The following SULT1A1 variants were observed in gnomAD, a reference collection of about 807,000 sequenced individuals.
SULT1A1 encodes the protein sulfotransferase 1A1.
A neutral mutation model predicts 36.8 loss-of-function variants in SULT1A1; 35 were observed. The ratio of observed to expected loss-of-function variants is 0.95; its 90% CI spans 0.73 to 1.26. The LOEUF is 1.26. Among genes scored for constraint, SULT1A1 ranks in the 50% most tolerant of loss-of-function variants. The pLI is 0.00. For synonymous variants in SULT1A1, 119 were observed against 146.0 expected (o/e 0.82, Z 1.33); for missense variants, 309 against 383.0 (o/e 0.81, Z 1.61).
At chr16:28,620,650 G>A (rs995007700) in intron 1 of SULT1A1, among the ~76,000 whole-genome samples, 29 of 150,652 alleles carry the variant, frequency 1.9e-4, no homozygotes, top group Non-Finnish European at 3.4e-4. Flanking sequence ...GAGAATAGCA[G>A]AATATAAAAG....
intron 1 of SULT1A1, among the ~76,000 whole-genome samples, chr16:28,621,668 G>A (rs1244132849): frequency 6.6e-6 from 1 of 151,886 alleles, no homozygotes; most frequent in Non-Finnish European, 1.5e-5. Flanking sequence ...CACACGCCGG[G>A]ACCAGGCACA....
upstream of SULT1A1, chr16:28,611,110 C>T (rs1197847394): frequency 6.6e-6 from 1 of 152,362 alleles, no homozygotes; most frequent in East Asian, 1.9e-4. Context: ...CACCCCTGCC[C>T]TCAGCAACCC....
At chr16:28,616,210 A>T (rs558720256) in intron 2 of SULT1A1, among the ~76,000 whole-genome samples, 5 of 152,342 alleles carry the variant, frequency 3.3e-5, no homozygotes, top group Non-Finnish European at 7.3e-5. Context: ...TTATTGAGCG[A>T]GGGTTATTAT....
At chr16:28,610,260 T>TTA, upstream of SULT1A1, 13 of 1,107,918 alleles carry the variant, frequency 1.2e-5, no homozygotes, top group African/African-American at 1.7e-5. Flanking sequence ...GGTTTTTTTT[T>TTA]TCTGTTTTTT....
chr16:28,619,193 A>C (rs2047603280), intron 2 of SULT1A1, among the ~76,000 whole-genome samples: 1 of 152,006 alleles, frequency 6.6e-6, no homozygotes. Context: ...TTGTATTTTT[A>C]GTAGAGACAG....
chr16:28,609,306 C>A (rs2047356858), intron 1 of SULT1A1: 2 of 1,277,210 alleles, frequency 1.6e-6, no homozygotes, highest in Non-Finnish European at 1.0e-6. Context: ...TCCTTGAGCC[C>A]CTCAGCCCCT....
In SULT1A1 at chr16:28,606,986, C is replaced by T; in HGVS notation, c.464G>A (p.Trp155Ter). 12 of 1,612,536 alleles carry T rather than the reference C, an allele frequency of 7.4e-6. 1 individual carries two copies. Among genetic ancestry groups the T allele is most frequent in the Non-Finnish European group, 9.3e-6 (11 of 1,178,732 alleles). The change falls in exon 5 of 8, where the codon TGG (tryptophan) becomes TAG (stop). Residue 155 changes from tryptophan (W) to a stop codon, truncating the protein, a stop_gained. Coordinates refer to ENST00000314752, the MANE Select transcript of SULT1A1 (RefSeq NM_001055.4). LOFTEE classifies it high-confidence loss of function. Reference protein sequence around the residue: ...MAKVHPEPGTWDSFLEKFMVG... With the variant: ...MAKVHPEPGT ...CATGAACTTCTCCAGGAAGCTGTCCCAGGTCCCAGGCTCAGGGTGCACCTT... is the reference window on the plus strand; with the variant it reads ...CATGAACTTCTCCAGGAAGCTGTCCTAGGTCCCAGGCTCAGGGTGCACCTT...
intron 2 of SULT1A1, among the ~76,000 whole-genome samples, chr16:28,616,025 C>T (rs1427788753): frequency 4.6e-5 from 7 of 151,978 alleles, no homozygotes; most frequent in Admixed American, 2.0e-4. Context: ...CGCTGGACCA[C>T]GATCCGCCTG....
chr16:28,620,675 T>G (rs1485283975), intron 1 of SULT1A1, among the ~76,000 whole-genome samples: 1 of 151,872 alleles, frequency 6.6e-6, no homozygotes, highest in Non-Finnish European at 1.5e-5. Context: ...AGCAGAACAA[T>G]TATTTTTTCA....
chr16:28,605,656 G>T lies in SULT1A1; in HGVS notation c.*165C>A, dbSNP rs2047144358. Reference sequence around the variant, plus strand: ...AGAATCTCACTATGTTGCCCAGGTTGGTCTCGAACTCCTGGGCTCAAATGA... The same window carrying T: ...AGAATCTCACTATGTTGCCCAGGTTTGTCTCGAACTCCTGGGCTCAAATGA... On this transcript the variant is annotated 3_prime_UTR_variant, in exon 8 of 8. Coordinates refer to ENST00000314752, the MANE Select transcript of SULT1A1 (RefSeq NM_001055.4). The T allele has an allele frequency of 1.8e-6, 2 of 1,110,234 alleles. No homozygotes were observed. Among genetic ancestry groups the T allele is most frequent in the Non-Finnish European group, 2.7e-6 (2 of 754,254 alleles). The allele number at this position is 1,110,234 out of a possible 1,614,324, so 68.8% of individuals were successfully genotyped here.
chr16:28,607,059 T>G lies in SULT1A1; in HGVS notation c.391A>C (p.Asn131His). ...QKVKVVYVAR[N>H]AKDVAVSYYH... ...TAGGAAACTGCCACATCCTTTGCGTTGCGGGCAACATAGACCACCTGCAGG... is the reference window on the plus strand; with the variant it reads ...TAGGAAACTGCCACATCCTTTGCGTGGCGGGCAACATAGACCACCTGCAGG... Residue 131 changes from asparagine to histidine, a missense_variant, in exon 5 of 8, where the codon AAC (asparagine) becomes CAC (histidine). By Grantham distance (68) the Asn-to-His change is moderately conservative. Coordinates refer to ENST00000314752, the MANE Select transcript of SULT1A1 (RefSeq NM_001055.4). 6.2e-7 allele frequency: 1 copy of G among 1,612,454 alleles called. No individual in the cohort carries two copies. Among genetic ancestry groups the G allele is most frequent in the South Asian group, 1.1e-5 (1 of 91,036 alleles).
chr16:28,616,392 T>G (rs1476643249), intron 2 of SULT1A1, among the ~76,000 whole-genome samples: 1 of 152,206 alleles, frequency 6.6e-6, no homozygotes, highest in Non-Finnish European at 1.5e-5. Context: ...CCGCCCACAA[T>G]TCTCCTGACT....
chr16:28,617,838 C>A (rs1425358355), intron 2 of SULT1A1, among the ~76,000 whole-genome samples: 1 of 152,052 alleles, frequency 6.6e-6, no homozygotes, highest in Non-Finnish European at 1.5e-5. Flanking sequence ...CCGACAATTT[C>A]TTATCACAAG....
upstream of SULT1A1, chr16:28,610,278 T>TTTTTTTTTTTTTTTTTTTTG: frequency 8.8e-7 from 1 of 1,131,242 alleles, no homozygotes; most frequent in East Asian, 5.9e-5. Flanking sequence ...TTTTTTTTTT[T>TTTTTTTTTTTTTTTTTTTTG]TTTTTTTTTT....
upstream of SULT1A1, chr16:28,614,746 C>G (rs1381340299): frequency 2.2e-5 from 3 of 133,370 alleles, 1 homozygote; most frequent in Non-Finnish European, 5.2e-5. Flanking sequence ...GTGTGGCCCC[C>G]ATTGTGCTGC....
At chr16:28,617,005 C>CT (rs11339073) in intron 2 of SULT1A1, among the ~76,000 whole-genome samples, 72,349 of 150,958 alleles carry the variant, frequency 0.48, 19,402 homozygotes, top group Middle Eastern at 0.7. Flanking sequence ...AACTCCAGAT[C>CT]TTTTTTTTTA....
At chr16:28,609,115 C>G (rs2047347362) in intron 1 of SULT1A1, 21 of 1,425,846 alleles carry the variant, frequency 1.5e-5, no homozygotes, top group Middle Eastern at 5.2e-4. Context: ...TGGTGCAGAC[C>G]AGTGAAAGCA....
At chr16:28,623,085 C>T (rs2151728744) in intron 1 of SULT1A1, 2 of 1,463,978 alleles carry the variant, frequency 1.4e-6, no homozygotes, top group Admixed American at 2.0e-5. Flanking sequence ...GCCTCCAGTC[C>T]CCCAATACTG....
In SULT1A1 at chr16:28,605,809, C is replaced by T. The variant is rs1192617519; in HGVS notation, c.*12G>A. The stretch of plus-strand genomic sequence containing the variant: ...TCGCACACTCCCTCTGCAGTGACTC[C>T]AGGAGCCCCTCTCACAGCTCAGAGC... On this transcript the variant is annotated 3_prime_UTR_variant, in exon 8 of 8. Coordinates refer to ENST00000314752, the MANE Select transcript of SULT1A1 (RefSeq NM_001055.4). 2 of 1,609,754 alleles carry T rather than the reference C, an allele frequency of 1.2e-6. No homozygotes were observed. The highest frequency in any genetic ancestry group is 2.2e-5 in the South Asian group (2 of 90,888).
Sources: gnomAD v4.1 joint callset for allele counts (sites outside exome capture counted in the v4.1 genomes callset) on GRCh38, gnomAD v4.1.1 for gene constraint, MANE v1.5 for transcripts, NCBI Gene and HGNC (gene_info 2026-07-23, HGNC 2026-07-21) for gene names.